Variants in PAAF1 observed in about 807,000 individuals in gnomAD.
PAAF1 encodes the protein proteasomal ATPase-associated factor 1.
In PAAF1, 46 loss-of-function variants were observed where a neutral mutation model predicts 52.8. The ratio of observed to expected loss-of-function variants is 0.87; its 90% CI spans 0.69 to 1.11. The LOEUF (loss-of-function observed/expected upper bound fraction) is 1.11, where lower values mean the gene tolerates loss of function less well. Among genes scored for constraint, PAAF1 ranks in the 50% most tolerant of loss-of-function variants. The pLI, the probability that PAAF1 is intolerant of heterozygous loss-of-function variation, is 0.00. For missense variants in PAAF1, 424 were observed against 477.4 expected (o/e 0.89, Z 1.04); for synonymous variants, 178 against 172.8 (o/e 1.03, Z -0.24).
At position 73,914,502 on chromosome 11, in the gene PAAF1, C is replaced by T; in HGVS notation, c.817C>T (p.Leu273=). ...GTGCTTGGGACTACAGAGCAGGCAGCTGGCAAGTGGTTCCTATATGACCTT... is the reference window on the plus strand; with the variant it reads ...GTGCTTGGGACTACAGAGCAGGCAGTTGGCAAGTGGTTCCTATATGACCTT... ...LQCLGLQSRQ[L]VFLFIGSDAF... The change falls in exon 8 of 12, where the codon CTG becomes TTG. Residue 273 remains leucine, a splice_region_variant and synonymous_variant. Coordinates refer to ENST00000310571, the MANE Select transcript of PAAF1 (RefSeq NM_025155.3). The T allele has an allele frequency of 6.2e-7, 1 of 1,613,820 alleles. No homozygotes were observed. The highest frequency in any genetic ancestry group is 8.5e-7 in the Non-Finnish European group (1 of 1,179,796).
At chr11:73,904,128 TTG>T (rs1186833499) in intron 6 of PAAF1, among the ~76,000 whole-genome samples, 3 of 149,926 alleles carry the variant, frequency 2.0e-5, no homozygotes, top group African/African-American at 2.4e-5. Context: ...GGTCCCCCAA[TTG>T]TGTGTGTGTG....
At chr11:73,896,792 C>T (rs1033607890) in intron 4 of PAAF1, among the ~76,000 whole-genome samples, 4 of 152,186 alleles carry the variant, frequency 2.6e-5, no homozygotes, top group South Asian at 2.1e-4. Flanking sequence ...CCTCATGGCC[C>T]GTTCTCAATG....
chr11:73,909,362 C>T lies in PAAF1; in HGVS notation c.533-37C>T, dbSNP rs775034573. 30 of 1,599,564 alleles carry T rather than the reference C, an allele frequency of 1.9e-5. No homozygotes were observed. In the South Asian group the frequency reaches 3.1e-4, roughly 17 times the overall value. ...TCTCTGCCCTTGTAGTTCCTTTACT[C>T]CATCCTCCATCTTAGGGAGTTTTTT... On this transcript the variant is annotated intron_variant, in intron 6 of 11. Coordinates refer to ENST00000310571, the MANE Select transcript of PAAF1 (RefSeq NM_025155.3).
intron 6 of PAAF1, among the ~76,000 whole-genome samples, chr11:73,908,736 A>G (rs1192697614): frequency 6.6e-6 from 1 of 151,788 alleles, no homozygotes; most frequent in Non-Finnish European, 1.5e-5. Flanking sequence ...CTTAGGTGTC[A>G]ACTTTTTTTT....
chr11:73,908,277 G>GTATATATGTA (rs1173117115), intron 6 of PAAF1, among the ~76,000 whole-genome samples: 2 of 142,732 alleles, frequency 1.4e-5, no homozygotes, highest in East Asian at 3.9e-4. Context: ...GTATATATGT[G>GTATATATGTA]TATATATGTA....
upstream of PAAF1, chr11:73,876,955 G>T: frequency 1.4e-6 from 2 of 1,439,172 alleles, no homozygotes; most frequent in Non-Finnish European, 9.2e-7. Flanking sequence ...TGTCCTCGCC[G>T]CACGCTTCTC....
intron 10 of PAAF1, 106 bp from the exon 11 acceptor site, chr11:73,924,509 C>T (rs1950302725): frequency 3.3e-6 from 3 of 907,316 alleles, no homozygotes; most frequent in African/African-American, 3.3e-5. Context: ...GTCTTTGGAC[C>T]ATCTTCTTTA....
chr11:73,930,760 A>C lies in PAAF1; in HGVS notation c.*3398A>C. On this transcript the variant is annotated 3_prime_UTR_variant, in exon 12 of 12. Coordinates refer to ENST00000310571, the MANE Select transcript of PAAF1 (RefSeq NM_025155.3). ...AGACTCTCTCTCAAAAAAGAAAAAA[A>C]AAATATGTATATATATATGTATATA... The C allele has an allele frequency of 6.7e-6, 1 of 149,398 alleles. No homozygotes were observed. The allele number at this position is 149,398 out of a possible 1,614,324, so 9.3% of individuals were successfully genotyped here.
chr11:73,909,625 A>G lies in PAAF1; in HGVS notation c.727+32A>G, dbSNP rs1297281909. On this transcript the variant is annotated intron_variant, in intron 7 of 11. Coordinates refer to ENST00000310571, the MANE Select transcript of PAAF1 (RefSeq NM_025155.3). ...TGATAATGATATGTAGCATTGTTTT[A>G]TTTTCTTAGGCCCCCTTCAGTGATT... 4 of 1,594,276 alleles carry G rather than the reference A, an allele frequency of 2.5e-6. No individual in the cohort carries two copies. The Admixed American group carries it at 5.0e-5, about 20-fold the overall frequency.
In PAAF1 at chr11:73,909,509, GC is replaced by G. The variant is rs1443158451; in HGVS notation, c.644del (p.Ala215GlufsTer19). 9 of 1,614,064 alleles carry G rather than the reference GC, an allele frequency of 5.6e-6. No individual in the cohort carries two copies. The East Asian group carries it at 2.0e-4, about 36-fold the overall frequency. On this transcript the variant is annotated frameshift_variant, in exon 7 of 12. Transcript: ENST00000310571. LOFTEE classifies it high-confidence loss of function. The stretch of plus-strand genomic sequence containing the variant: ...GCGCTCAGCCTGCTTGGGAGTCCTT[GC>G]AGATTGTGGTTCTTCTATCAATGGA... Reference protein sequence around the residue: ...CGRSACLGVLADCGSSINGVA... With the variant: ...CGRSACLGVLXDCGSSINGVA...
intron 2 of PAAF1, among the ~76,000 whole-genome samples, chr11:73,882,150 G>T (rs1456905287): frequency 6.6e-6 from 1 of 151,980 alleles, no homozygotes; most frequent in Non-Finnish European, 1.5e-5. Flanking sequence ...CAAAGTGCTG[G>T]GATTACAGGC....
At chr11:73,900,976 C>A (rs1320088713) in intron 6 of PAAF1, among the ~76,000 whole-genome samples, 2 of 105,814 alleles carry the variant, frequency 1.9e-5, no homozygotes, top group Non-Finnish European at 3.6e-5. Flanking sequence ...AGCGAGACTC[C>A]GTCTCAAAAA....
intron 4 of PAAF1, among the ~76,000 whole-genome samples, chr11:73,892,713 G>A (rs1363271747): frequency 6.6e-6 from 1 of 152,152 alleles, no homozygotes; most frequent in Non-Finnish European, 1.5e-5. Flanking sequence ...AGGCTGGAGT[G>A]CAGTGGTGCA....
intron 9 of PAAF1, among the ~76,000 whole-genome samples, chr11:73,918,372 T>C (rs1591124744): frequency 6.9e-6 from 1 of 145,144 alleles, no homozygotes; most frequent in African/African-American, 2.6e-5. Flanking sequence ...TTTTTTTTTT[T>C]TTTTTTTTTT....
intron 5 of PAAF1, among the ~76,000 whole-genome samples, chr11:73,899,803 G>T (rs1003340707): frequency 2.0e-5 from 3 of 152,192 alleles, no homozygotes; most frequent in African/African-American, 7.2e-5. Flanking sequence ...ACCAGTGAAG[G>T]TCTAAGTGGG....
At chr11:73,906,131 T>C (rs1949746129) in intron 6 of PAAF1, among the ~76,000 whole-genome samples, 1 of 152,090 alleles carries the variant, frequency 6.6e-6, no homozygotes, top group Non-Finnish European at 1.5e-5. Context: ...TTGATAGATC[T>C]GTTTTTGAAA....
intron 4 of PAAF1, among the ~76,000 whole-genome samples, chr11:73,898,296 G>T (rs953323189): frequency 6.6e-6 from 1 of 152,168 alleles, no homozygotes; most frequent in Admixed American, 6.5e-5. Context: ...AATCCTCCTG[G>T]TGCATCTTAG....
chr11:73,878,642 C>T (rs1286020197), intron 1 of PAAF1, 137 bp from the exon 2 acceptor site: 2 of 641,918 alleles, frequency 3.1e-6, no homozygotes, highest in Non-Finnish European at 2.8e-6. Context: ...GATCTATACT[C>T]GATGAGAGGT....
At position 73,887,364 on chromosome 11, in the gene PAAF1, T is replaced by G. The variant is rs1949089407; in HGVS notation, c.99T>G (p.Ser33=). ...WLSCHPPGKP[S]LYGSLTCQGI... ...TTTTGTACCATATAGGGAAACCATC[T>G]TTGTATGGCAGCCTGACTTGTCAAG... The change falls in exon 3 of 12, where the codon TCT becomes TCG. Residue 33 remains serine, a synonymous_variant. Coordinates refer to ENST00000310571, the MANE Select transcript of PAAF1 (RefSeq NM_025155.3). 1 of 1,610,066 alleles carries G rather than the reference T, an allele frequency of 6.2e-7. No homozygotes were observed. The highest frequency in any genetic ancestry group is 1.1e-5 in the South Asian group (1 of 89,998).
Sources: allele counts gnomAD v4.1 joint callset (sites outside exome capture counted in the v4.1 genomes callset), GRCh38; gene constraint gnomAD v4.1.1; transcripts MANE v1.5; gene names NCBI Gene and HGNC (gene_info 2026-07-23, HGNC 2026-07-21).